Variants in TGIF1 observed in about 807,000 individuals in gnomAD.
The protein encoded by TGIF1 is homeobox protein TGIF1.
Under a neutral mutation model 19.3 loss-of-function variants are expected in TGIF1, and 4 were observed. The ratio of observed to expected loss-of-function variants is 0.21; its 90% CI spans 0.10 to 0.47. The LOEUF is 0.47. Among genes scored for constraint, TGIF1 ranks in the 20% least tolerant of loss-of-function variants. The pLI is 0.98. For missense variants in TGIF1, 275 were observed against 341.4 expected, an observed-to-expected ratio of 0.81 and a Z score of 1.53; for synonymous variants, 122 against 129.3, an observed-to-expected ratio of 0.94 and a Z score of 0.38.
intron 2 of TGIF1, among the ~76,000 whole-genome samples, chr18:3,441,619 C>A (rs1400559403): frequency 1.3e-5 from 2 of 152,194 alleles, no homozygotes; most frequent in African/African-American, 4.8e-5. Context: ...GCTTTGAGAA[C>A]CACTATTCTA....
At chr18:3,421,500 C>T (rs891950638) in intron 2 of TGIF1, among the ~76,000 whole-genome samples, 4 of 151,256 alleles carry the variant, frequency 2.6e-5, no homozygotes, top group Non-Finnish European at 4.4e-5. Context: ...GCAACTTCCA[C>T]CTCCCAGGTT....
upstream of TGIF1, chr18:3,447,858 G>GC (rs1411164586): frequency 1.2e-5 from 19 of 1,590,620 alleles, no homozygotes; most frequent in Non-Finnish European, 1.6e-5. Flanking sequence ...AATTGTCTCC[G>GC]CCCCTCCCCC....
chr18:3,444,312 A>T, intron 2 of TGIF1, among the ~76,000 whole-genome samples: 2 of 148,126 alleles, frequency 1.4e-5, no homozygotes, highest in Non-Finnish European at 1.5e-5. Context: ...GTCTTTTTAA[A>T]ATTTTTTAAC....
chr18:3,453,811 C>T, intron 1 of TGIF1: 1 of 985,160 alleles, frequency 1.0e-6, no homozygotes, highest in Non-Finnish European at 1.2e-6. Context: ...GTGAAAGAAG[C>T]TTGTGATCCT....
intron 1 of TGIF1, chr18:3,455,508 T>C (rs2083138988): frequency 6.6e-6 from 1 of 152,240 alleles, no homozygotes; most frequent in South Asian, 2.1e-4. Context: ...CTTATTGATA[T>C]GTAGTATTCT....
chr18:3,423,784 G>T (rs574911061), intron 2 of TGIF1, among the ~76,000 whole-genome samples: 4 of 152,108 alleles, frequency 2.6e-5, no homozygotes, highest in African/African-American at 9.7e-5. Context: ...GAGCCCAGGA[G>T]GTCAAGGCTG....
intron 2 of TGIF1, among the ~76,000 whole-genome samples, chr18:3,440,141 A>G (rs1406340451): frequency 6.6e-6 from 1 of 152,192 alleles, no homozygotes; most frequent in Non-Finnish European, 1.5e-5. Context: ...CCTTGAGGTC[A>G]GAAGTTTGAG....
chr18:3,456,806 C>A lies in TGIF1; in HGVS notation c.243+226C>A, dbSNP rs921511159. On this transcript the variant is annotated intron_variant, in intron 2 of 2. Transcript: ENST00000343820. The surrounding 1 kb of genome is among the most constrained non-coding windows in gnomAD (Gnocchi z 4.2). ...GCATTTCCTTTAATGCCTAAAAGAA[C>A]CTTCCTTTATGCAACAGACATTAAA... 3.1e-6 allele frequency: 2 copies of A among 649,666 alleles called. No homozygotes were observed. Among genetic ancestry groups the A allele is most frequent in the Non-Finnish European group, 2.8e-6 (1 of 363,612 alleles). 40.2% of individuals were successfully genotyped at this position (649,666 alleles called of 1,614,324 possible).
At chr18:3,453,396 A>G (rs1350930871) in intron 1 of TGIF1, among the ~76,000 whole-genome samples, 1 of 152,070 alleles carries the variant, frequency 6.6e-6, no homozygotes, top group Non-Finnish European at 1.5e-5. Context: ...TTCAGAAAAG[A>G]AAGTGCAGGG....
rs1414305675 is a variant in TGIF1 at position 3,451,476 on chromosome 18, G to A, written c.16+971G>A. On this transcript the variant is annotated intron_variant, in intron 1 of 2. Transcript: ENST00000343820. The surrounding 1 kb of genome is among the most constrained non-coding windows in gnomAD (Gnocchi z 5.4). ...AGTGTTCCGCTGTGGGCTGGAGGTG[G>A]CGTTTCTGTCGTGATTTATGTGGAG... The A allele has an allele frequency of 2.0e-6, 2 of 987,842 alleles. No homozygotes were observed. The highest frequency in any genetic ancestry group is 1.1e-4 in the East Asian group (1 of 8,892). 61.2% of individuals were successfully genotyped at this position (987,842 alleles called of 1,614,324 possible).
At chr18:3,423,390 A>C (rs1211606877) in intron 2 of TGIF1, among the ~76,000 whole-genome samples, 1 of 152,042 alleles carries the variant, frequency 6.6e-6, no homozygotes, top group South Asian at 2.1e-4. Context: ...TACAAAAAAA[A>C]GTTTTAAGGC....
In TGIF1 at chr18:3,456,088, C is replaced by G. The variant is rs2049343934; in HGVS notation, c.17-266C>G. 2 of 514,020 alleles carry G rather than the reference C, an allele frequency of 3.9e-6. No individual in the cohort carries two copies. Among genetic ancestry groups the G allele is most frequent in the South Asian group, 2.0e-5 (1 of 48,788 alleles). 31.8% of individuals were successfully genotyped at this position (514,020 alleles called of 1,614,324 possible). On this transcript the variant is annotated intron_variant, in intron 1 of 2. Coordinates refer to ENST00000343820, the MANE Select transcript of TGIF1 (RefSeq NM_003244.4). The surrounding 1 kb of genome is among the most constrained non-coding windows in gnomAD (Gnocchi z 4.2). ...TTAGACGAAAGAGTTTTCTGACCAT[C>G]ATTCAAAAGGAATGTGAGAAGTTAA...
At chr18:3,452,525 T>G in intron 1 of TGIF1, 1 of 1,268,918 alleles carries the variant, frequency 7.9e-7, no homozygotes, top group Non-Finnish European at 1.1e-6. Context: ...GAAGGTGGGA[T>G]TCACGGCCTC....
chr18:3,433,940 C>T (rs2082583365), intron 2 of TGIF1, among the ~76,000 whole-genome samples: 1 of 152,158 alleles, frequency 6.6e-6, no homozygotes, highest in African/African-American at 2.4e-5. Context: ...GGTTCACAGT[C>T]CCAGGTTTAT....
Position 3,456,445 on chromosome 18 carries a change from AAGG to A in TGIF1, c.111_113del (p.Arg39del), listed in dbSNP as rs1276137529. ...CTTCATCCGCTGGCTCAGGCAAGAG[AAGG>A]AGAAGGGGCAACCTACCCAAGGAGT... On this transcript the variant is annotated inframe_deletion, in exon 2 of 3. Transcript: ENST00000343820. This position sits in a 1 kb window ranked among gnomAD's most constrained non-coding sequence, Gnocchi z 4.2. The A allele has an allele frequency of 3.1e-6, 5 of 1,614,078 alleles. No individual in the cohort carries two copies. Among genetic ancestry groups the A allele is most frequent in the South Asian group, 1.1e-5 (1 of 91,092 alleles).
chr18:3,432,144 A>AAAAAAAAAAAAG (rs199561203), intron 2 of TGIF1, among the ~76,000 whole-genome samples: 1 of 138,464 alleles, frequency 7.2e-6, no homozygotes, highest in Non-Finnish European at 1.5e-5. Flanking sequence ...AAAAAAAAAA[A>AAAAAAAAAAAAG]CACTAAGAAA....
At chr18:3,450,104 G>A (rs923307000), upstream of TGIF1, 1 of 1,063,754 alleles carries the variant, frequency 9.4e-7, no homozygotes, top group South Asian at 3.3e-5. Context: ...GGCGGGGCGG[G>A]AGGGGGACGG....
At chr18:3,446,578 A>G (rs1334034550), upstream of TGIF1, among the ~76,000 whole-genome samples, 1 of 152,222 alleles carries the variant, frequency 6.6e-6, no homozygotes, top group Non-Finnish European at 1.5e-5. Context: ...CGGGAAGGGA[A>G]GTGCAGGCTA....
chr18:3,419,699 T>C (rs1218237308), intron 2 of TGIF1, among the ~76,000 whole-genome samples: 1 of 152,152 alleles, frequency 6.6e-6, no homozygotes, highest in Non-Finnish European at 1.5e-5. Context: ...TAAAAATTAG[T>C]CTCCAACTCA....
Sources: allele counts gnomAD v4.1 joint callset (sites outside exome capture counted in the v4.1 genomes callset), GRCh38; gene constraint gnomAD v4.1.1; non-coding constraint Gnocchi (gnomAD v3.1); transcripts MANE v1.5; gene names NCBI Gene and HGNC (gene_info 2026-07-23, HGNC 2026-07-21).